Variants in CACNA2D3 observed in about 807,000 individuals in gnomAD.
CACNA2D3 encodes the protein calcium voltage-gated channel auxiliary subunit alpha2delta 3.
A neutral mutation model predicts 160.6 loss-of-function variants in CACNA2D3; 60 were observed. The observed-to-expected ratio is 0.37, with a 90% confidence interval of 0.30 to 0.46. The LOEUF (loss-of-function observed/expected upper bound fraction) is 0.46, where lower values mean the gene tolerates loss of function less well. Among genes scored for constraint, CACNA2D3 ranks in the 20% least tolerant of loss-of-function variants. The probability of loss-of-function intolerance (pLI) is 1.00; values close to 1 mark genes in which losing one functional copy is unlikely to be tolerated. For missense variants in CACNA2D3, 1,205 were observed against 1,365.0 expected, an observed-to-expected ratio of 0.88 and a Z score of 1.85; for synonymous variants, 558 against 492.9, an observed-to-expected ratio of 1.13 and a Z score of -1.75.
At chr3:54,774,210 G>A (rs542101375) in intron 13 of CACNA2D3, among the ~76,000 whole-genome samples, 2 of 152,222 alleles carry the variant, frequency 1.3e-5, no homozygotes, top group Admixed American at 6.5e-5. Context: ...GTTTCTTCTC[G>A]CATCACTATT....
chr3:54,510,198 A>T (rs1701438114), intron 5 of CACNA2D3, among the ~76,000 whole-genome samples: 1 of 151,514 alleles, frequency 6.6e-6, no homozygotes, highest in African/African-American at 2.4e-5. Flanking sequence ...GGATGGATGG[A>T]TGGGTAGGTG....
intron 9 of CACNA2D3, among the ~76,000 whole-genome samples, chr3:54,616,764 C>T (rs1698859984): frequency 6.6e-6 from 1 of 152,172 alleles, no homozygotes; most frequent in East Asian, 1.9e-4. Context: ...TCCAGCTCTA[C>T]CATTTATTAG....
intron 2 of CACNA2D3, among the ~76,000 whole-genome samples, chr3:54,169,747 ATG>A (rs1491123566): frequency 1.3e-5 from 2 of 151,090 alleles, no homozygotes; most frequent in South Asian, 4.2e-4. Flanking sequence ...GCGAGTGTGC[ATG>A]TGTGTGTGTT....
rs1701324788 is a variant in CACNA2D3 at position 54,503,515 on chromosome 3, G to A, written c.405G>A (p.Leu135=). Reference sequence around the variant, plus strand: ...AGTATGAATACTTCAATGCTGTGCTGATAAATGAAAGGGACAAAGACGGGA... The same window carrying A: ...AGTATGAATACTTCAATGCTGTGCTAATAAATGAAAGGGACAAAGACGGGA... ...DLQYEYFNAV[L]INERDKDGNF... is the part of the protein sequence containing the mutation. Residue 135 remains leucine (L), a synonymous_variant, in exon 5 of 38, where the codon CTG becomes CTA. Transcript: ENST00000474759. 1.2e-6 allele frequency: 2 copies of A among 1,613,936 alleles called. No individual in the cohort carries two copies. The highest frequency in any genetic ancestry group is 8.5e-7 in the Non-Finnish European group (1 of 1,179,806).
chr3:55,004,101 G>A (rs1703037508), intron 31 of CACNA2D3, among the ~76,000 whole-genome samples: 1 of 152,182 alleles, frequency 6.6e-6, no homozygotes, highest in Admixed American at 6.5e-5. Flanking sequence ...ACAGAGTAAA[G>A]GTCATAATTG....
chr3:54,660,692 G>A (rs1227593001), intron 11 of CACNA2D3, among the ~76,000 whole-genome samples: 1 of 152,066 alleles, frequency 6.6e-6, no homozygotes, highest in Non-Finnish European at 1.5e-5. Flanking sequence ...AATATGAAGG[G>A]AGGAGATTTA....
intron 27 of CACNA2D3, among the ~76,000 whole-genome samples, chr3:54,926,146 C>T (rs961390416): frequency 1.3e-5 from 2 of 152,078 alleles, no homozygotes; most frequent in Admixed American, 1.3e-4. Flanking sequence ...ACTGATGTAT[C>T]CCTCCAGACA....
intron 14 of CACNA2D3, among the ~76,000 whole-genome samples, chr3:54,822,447 T>C (rs1703625236): frequency 1.3e-5 from 2 of 152,242 alleles, no homozygotes; most frequent in South Asian, 2.1e-4. Context: ...TGAGTGTGTC[T>C]GTGGCAGCCC....
intron 13 of CACNA2D3, among the ~76,000 whole-genome samples, chr3:54,802,078 C>G (rs114041672): frequency 6.6e-6 from 1 of 152,146 alleles, no homozygotes; most frequent in Non-Finnish European, 1.5e-5. Flanking sequence ...TATCTTACCC[C>G]CTGCAGGGTT....
intron 10 of CACNA2D3, among the ~76,000 whole-genome samples, chr3:54,630,683 T>G (rs553609492): frequency 2.6e-5 from 4 of 152,270 alleles, no homozygotes; most frequent in South Asian, 2.1e-4. Flanking sequence ...TATTGTATGC[T>G]CCAAGAAGGT....
chr3:54,844,595 A>G (rs1248234137), intron 16 of CACNA2D3, among the ~76,000 whole-genome samples: 1 of 152,012 alleles, frequency 6.6e-6, no homozygotes, highest in African/African-American at 2.4e-5. Context: ...CCACCCCGCC[A>G]TATATTGTTA....
intron 8 of CACNA2D3, among the ~76,000 whole-genome samples, chr3:54,571,172 G>A (rs1702490387): frequency 1.3e-5 from 2 of 152,148 alleles, no homozygotes; most frequent in Admixed American, 1.3e-4. Context: ...AGAGCTGGGG[G>A]TGAATAAAAA....
At chr3:54,973,325 T>G (rs1702316045) in intron 29 of CACNA2D3, among the ~76,000 whole-genome samples, 3 of 152,112 alleles carry the variant, frequency 2.0e-5, no homozygotes, top group African/African-American at 7.2e-5. Flanking sequence ...CTCTTTCTCC[T>G]TTTCCACTCA....
chr3:54,617,172 G>A (rs1698872195), intron 9 of CACNA2D3, among the ~76,000 whole-genome samples: 1 of 152,174 alleles, frequency 6.6e-6, no homozygotes, highest in Non-Finnish European at 1.5e-5. Flanking sequence ...GGAAGTGCAT[G>A]TGTTTTGGCA....
At chr3:54,252,805 G>T (rs62253170) in intron 2 of CACNA2D3, among the ~76,000 whole-genome samples, 12,123 of 152,232 alleles carry the variant, frequency 0.08, 610 homozygotes, top group Non-Finnish European at 0.11. Context: ...TTGACCAAGG[G>T]CACCATGAGA....
chr3:54,656,503 C>T (rs1012882100), intron 11 of CACNA2D3, among the ~76,000 whole-genome samples: 1 of 152,206 alleles, frequency 6.6e-6, no homozygotes, highest in Non-Finnish European at 1.5e-5. Flanking sequence ...ATGAACTCAT[C>T]GGGCGAGCTG....
At chr3:54,278,564 G>A (rs59326060) in intron 2 of CACNA2D3, among the ~76,000 whole-genome samples, 23,088 of 152,146 alleles carry the variant, frequency 0.15, 2,111 homozygotes, top group South Asian at 0.2. Flanking sequence ...ATTCACAATA[G>A]CAAAGACTTG....
intron 11 of CACNA2D3, among the ~76,000 whole-genome samples, chr3:54,704,689 A>G (rs1419722852): frequency 1.3e-5 from 2 of 152,168 alleles, no homozygotes; most frequent in Non-Finnish European, 2.9e-5. Flanking sequence ...AGACACAAAT[A>G]TTAATATACC....
chr3:54,881,878 T>C (rs929872836), intron 21 of CACNA2D3, among the ~76,000 whole-genome samples: 25 of 152,210 alleles, frequency 1.6e-4, no homozygotes, highest in Non-Finnish European at 2.9e-4. Context: ...AGATGGATGT[T>C]CCCTGAGACG....
Sources: allele counts gnomAD v4.1 joint callset (sites outside exome capture counted in the v4.1 genomes callset), GRCh38; gene constraint gnomAD v4.1.1; transcripts MANE v1.5; gene names NCBI Gene and HGNC (gene_info 2026-07-23, HGNC 2026-07-21).